Variants in ATP6V0A4 observed in about 807,000 individuals in gnomAD.
ATP6V0A4 encodes the protein V-type proton ATPase 116 kDa subunit a 4.
In ATP6V0A4, 86 loss-of-function variants were observed where a neutral mutation model predicts 107.3. The ratio of observed to expected loss-of-function variants is 0.80; its 90% CI spans 0.67 to 0.96. The LOEUF (loss-of-function observed/expected upper bound fraction) is 0.96. ATP6V0A4 is among the 40% of genes least tolerant of loss of function. The pLI is 0.00. For synonymous variants in ATP6V0A4, 353 were observed against 381.4 expected (o/e 0.93, Z 0.87); for missense variants, 908 against 1,045.6 (o/e 0.87, Z 1.81).
At position 138,755,607 on chromosome 7, in the gene ATP6V0A4, G is replaced by C. The variant is rs1382857921; in HGVS notation, c.816+82C>G. The C allele has an allele frequency of 1.5e-5, 23 of 1,582,708 alleles. No individual in the cohort carries two copies. In the Admixed American group the frequency reaches 3.6e-4, roughly 25 times the overall value. On this transcript the variant is annotated intron_variant, in intron 10 of 21. Coordinates refer to ENST00000310018, the MANE Select transcript of ATP6V0A4 (RefSeq NM_020632.3). Reference sequence around the variant, plus strand: ...CAGCCAGCCTCCCAGCAAGGGCCCTGGGGGGCAGGGCTTGTATGAAAACAG... The same window carrying C: ...CAGCCAGCCTCCCAGCAAGGGCCCTCGGGGGCAGGGCTTGTATGAAAACAG...
intron 17 of ATP6V0A4, 138 bp downstream of exon 17, chr7:138,732,739 A>G: frequency 1.1e-6 from 1 of 942,524 alleles, no homozygotes. Flanking sequence ...GGTTGCAGTG[A>G]GTCAAGATCA....
intron 11 of ATP6V0A4, among the ~76,000 whole-genome samples, chr7:138,752,139 G>A (rs1206285675): frequency 6.6e-6 from 1 of 152,130 alleles, no homozygotes; most frequent in Non-Finnish European, 1.5e-5. Context: ...GGAGGTTGAG[G>A]CAGGCGAATC....
intron 2 of ATP6V0A4, among the ~76,000 whole-genome samples, chr7:138,784,728 A>G (rs966323341): frequency 1.3e-5 from 2 of 152,208 alleles, no homozygotes; most frequent in Non-Finnish European, 2.9e-5. Context: ...GGGCAGAATC[A>G]ATCCTCTATA....
At chr7:138,752,531 C>T in intron 11 of ATP6V0A4, 94 bp downstream of exon 11, 1 of 1,500,744 alleles carries the variant, frequency 6.7e-7, no homozygotes, top group South Asian at 1.2e-5. Context: ...CACCAAGTCA[C>T]TTGAGTTCAT....
Position 138,798,125 on chromosome 7 carries a change from C to T in ATP6V0A4, c.-212G>A. 6.2e-7 allele frequency: 1 copy of T among 1,600,642 alleles called. No homozygotes were observed. Among genetic ancestry groups the T allele is most frequent in the East Asian group, 2.3e-5 (1 of 44,242 alleles). ...CCAGCATGCAGCGCCTCCCCGCTGC[C>T]ACCCGGGCCACCCTGATCCTCAGCC... On this transcript the variant is annotated 5_prime_UTR_variant, in exon 1 of 22. Transcript: ENST00000310018.
intron 2 of ATP6V0A4, among the ~76,000 whole-genome samples, chr7:138,777,173 T>A (rs1011511730): frequency 1.5e-4 from 23 of 150,372 alleles, no homozygotes; most frequent in African/African-American, 4.6e-4. Context: ...AAAAAAAGTA[T>A]GTGTATGGTA....
intron 7 of ATP6V0A4, among the ~76,000 whole-genome samples, chr7:138,761,233 G>T (rs992725084): frequency 6.6e-6 from 1 of 152,160 alleles, no homozygotes; most frequent in Non-Finnish European, 1.5e-5. Context: ...TCGCGAGGCA[G>T]AGGTAGGAAG....
intron 7 of ATP6V0A4, among the ~76,000 whole-genome samples, chr7:138,760,985 T>C (rs537465227): frequency 6.6e-6 from 1 of 152,214 alleles, no homozygotes; most frequent in Admixed American, 6.5e-5. Context: ...TATTAAAATT[T>C]TTTTTTTTGT....
At position 138,745,112 on chromosome 7, in the gene ATP6V0A4, T is replaced by C. The variant is rs771802012; in HGVS notation, c.1478+11A>G. 1.1e-5 allele frequency: 17 copies of C among 1,608,780 alleles called. No homozygotes were observed. The East Asian group carries it at 3.6e-4, about 34-fold the overall frequency. ...GGCCAGCGACTACACCATCTCTGTC[T>C]GTCAACTCACTTCCATGTGCCGTTT... On this transcript the variant is annotated intron_variant, in intron 14 of 21. Transcript: ENST00000310018.
chr7:138,769,028 C>G, intron 4 of ATP6V0A4, 145 bp downstream of exon 4: 1 of 1,566,114 alleles, frequency 6.4e-7, no homozygotes, highest in Non-Finnish European at 8.7e-7. Context: ...CCCAACCTCC[C>G]CCATTCCCTC....
In ATP6V0A4 at chr7:138,722,028, GACA is replaced by G. The variant is rs1804448067; in HGVS notation, c.2011-6_2011-4del. Reference sequence around the variant, plus strand: ...TCTTGGATCCTGGATGCCTGCAGCTGACAACAAGCAGGGAAATGAGGAATGCGC... The same window carrying G: ...TCTTGGATCCTGGATGCCTGCAGCTGACAAGCAGGGAAATGAGGAATGCGC... On this transcript the variant is annotated splice_polypyrimidine_tract_variant and splice_region_variant and intron_variant, in intron 18 of 21. Coordinates refer to ENST00000310018, the MANE Select transcript of ATP6V0A4 (RefSeq NM_020632.3). The G allele has an allele frequency of 6.2e-7, 1 of 1,614,058 alleles. No homozygotes were observed. Among genetic ancestry groups the G allele is most frequent in the Non-Finnish European group, 8.5e-7 (1 of 1,180,020 alleles).
rs1584923653 is a variant in ATP6V0A4 at position 138,749,178 on chromosome 7, T to C, written c.1169A>G (p.Glu390Gly). 1.9e-6 allele frequency: 3 copies of C among 1,614,020 alleles called. No homozygotes were observed. The highest frequency in any genetic ancestry group is 2.5e-6 in the Non-Finnish European group (3 of 1,180,006). The change falls in exon 12 of 22, where the codon GAG becomes GGG. Residue 390 changes from glutamate to glycine, a missense_variant. Physicochemically the swap from Glu to Gly is moderately conservative, Grantham distance 98 (BLOSUM62 -2). Transcript: ENST00000310018. ...VDAYGVGSYR[E>G]INPAPYTIIT... The stretch of plus-strand genomic sequence containing the variant: ...CATCAGATCTTTACCTGGGTTTATC[T>C]CCCGGTAGCTGCCGACACCATAGGC...
rs1347677022 is a variant in ATP6V0A4 at position 138,777,657 on chromosome 7, CACACACAT to C, written c.-17-6401_-17-6394del. ...ATACACACACACACACACACACACACACACACATATATATTACTTTGGCTTCTGCATCT... is the reference window on the plus strand; with the variant it reads ...ATACACACACACACACACACACACACATATATTACTTTGGCTTCTGCATCT... On this transcript the variant is annotated intron_variant, in intron 2 of 21. Coordinates refer to ENST00000310018, the MANE Select transcript of ATP6V0A4 (RefSeq NM_020632.3). Among the ~76,000 whole-genome samples, 217 of 150,726 alleles carry C rather than the reference CACACACAT, an allele frequency of 1.4e-3. 1 individual carries two copies. The highest frequency in any genetic ancestry group is 4.9e-3 in the African/African-American group (202 of 41,022).
chr7:138,741,996 A>G (rs892520204), intron 14 of ATP6V0A4, among the ~76,000 whole-genome samples: 1 of 152,254 alleles, frequency 6.6e-6, no homozygotes, highest in Non-Finnish European at 1.5e-5. Flanking sequence ...TTGCAGGTGC[A>G]TAAGAGAACA....
intron 19 of ATP6V0A4, among the ~76,000 whole-genome samples, chr7:138,720,635 C>G (rs1258656420): frequency 6.6e-6 from 1 of 150,884 alleles, no homozygotes; most frequent in Non-Finnish European, 1.5e-5. Context: ...TCTAATTAAT[C>G]AAGATAATTT....
At chr7:138,796,054 G>A (rs1234838340) in intron 1 of ATP6V0A4, among the ~76,000 whole-genome samples, 5 of 152,138 alleles carry the variant, frequency 3.3e-5, no homozygotes, top group Admixed American at 3.3e-4. Context: ...GTTATCCCTA[G>A]TACCCATTGG....
At position 138,756,441 on chromosome 7, in the gene ATP6V0A4, C is replaced by A. The variant is rs907224080; in HGVS notation, c.722+17G>T. On this transcript the variant is annotated intron_variant, in intron 9 of 21. Coordinates refer to ENST00000310018, the MANE Select transcript of ATP6V0A4 (RefSeq NM_020632.3). Reference sequence around the variant, plus strand: ...TGGCCCAAATCACTGAAGAAAGAGCCATTCACTCCCTCTTACCCATCACAG... The same window carrying A: ...TGGCCCAAATCACTGAAGAAAGAGCAATTCACTCCCTCTTACCCATCACAG... 1 of 1,613,452 alleles carries A rather than the reference C, an allele frequency of 6.2e-7. No homozygotes were observed. The highest frequency in any genetic ancestry group is 1.3e-5 in the African/African-American group (1 of 74,874).
chr7:138,720,426 T>C (rs981541634), intron 19 of ATP6V0A4, among the ~76,000 whole-genome samples: 1 of 151,972 alleles, frequency 6.6e-6, no homozygotes, highest in African/African-American at 2.4e-5. Flanking sequence ...TGGATATAGA[T>C]TGAGGGCAGG....
chr7:138,739,599 G>C lies in ATP6V0A4; in HGVS notation c.1513C>G (p.Leu505Val). 6.2e-7 allele frequency: 1 copy of C among 1,614,182 alleles called. No individual in the cohort carries two copies. Among genetic ancestry groups the C allele is most frequent in the Non-Finnish European group, 8.5e-7 (1 of 1,180,032 alleles). ...TACACTCCTGGTATGGCTGGGTCCA[G>C]CTGCAGATATAGACTTTCCTCCATT... ...HVMEESLYLQ[L>V]DPAIPGVYFG... is the part of the protein sequence containing the mutation. The change falls in exon 15 of 22, where the codon CTG (leucine) becomes GTG (valine). Residue 505 changes from leucine to valine, a missense_variant. Leu to Val is a conservative substitution (Grantham distance 32). Coordinates refer to ENST00000310018, the MANE Select transcript of ATP6V0A4 (RefSeq NM_020632.3).
Sources: gnomAD v4.1 joint callset for allele counts (sites outside exome capture counted in the v4.1 genomes callset) on GRCh38, gnomAD v4.1.1 for gene constraint, MANE v1.5 for transcripts, NCBI Gene and HGNC (gene_info 2026-07-23, HGNC 2026-07-21) for gene names.